Variants in PCNP observed in about 807,000 individuals in gnomAD.
PCNP encodes the protein PEST proteolytic signal containing nuclear protein.
Under a neutral mutation model 21.8 loss-of-function variants are expected in PCNP, and 6 were observed. The observed-to-expected ratio is 0.28, with a 90% CI of 0.15 to 0.54. The LOEUF is 0.54. Among genes scored for constraint, PCNP ranks in the 20% least tolerant of loss-of-function variants. PCNP has a pLI of 0.95. For missense variants in PCNP, 161 were observed against 215.5 expected (o/e 0.75, Z 1.58); for synonymous variants, 67 against 73.2 (o/e 0.92, Z 0.43).
chr3:101,586,784 C>T (rs1474274477), intron 3 of PCNP, among the ~76,000 whole-genome samples: 1 of 152,008 alleles, frequency 6.6e-6, no homozygotes, highest in Non-Finnish European at 1.5e-5. Flanking sequence ...AACTCCTGGG[C>T]TCAAGTGATC....
At chr3:101,575,728 C>T (rs3804778) in intron 1 of PCNP, among the ~76,000 whole-genome samples, 28,675 of 152,090 alleles carry the variant, frequency 0.19, 3,440 homozygotes, top group East Asian at 0.29. Context: ...CCGAGGGTAG[C>T]AGACGTGTTT....
intron 1 of PCNP, chr3:101,574,832 A>G (rs1078153): frequency 0.1 from 15,477 of 152,414 alleles, 1,049 homozygotes; most frequent in African/African-American, 0.19. Context: ...CTTTACTTCC[A>G]AGTTTAATAT....
chr3:101,586,224 A>G (rs1484668884), intron 3 of PCNP, among the ~76,000 whole-genome samples: 4 of 151,094 alleles, frequency 2.6e-5, no homozygotes, highest in South Asian at 2.1e-4. Context: ...CACTTCCCAT[A>G]TCCCTAGGAG....
At chr3:101,577,441 CCCTTCTTTCAAAA>C (rs1934982145) in intron 1 of PCNP, among the ~76,000 whole-genome samples, 1 of 152,128 alleles carries the variant, frequency 6.6e-6, no homozygotes, top group African/African-American at 2.4e-5. Context: ...GGTAGCTCTG[CCCTTCTTTCAAAA>C]AAGGAAGCAA....
At chr3:101,589,178 A>G (rs1935679175) in intron 3 of PCNP, among the ~76,000 whole-genome samples, 1 of 152,082 alleles carries the variant, frequency 6.6e-6, no homozygotes, top group Non-Finnish European at 1.5e-5. Flanking sequence ...TCACATTTAA[A>G]TTTTATTTAT....
Position 101,574,269 on chromosome 3 carries a change from A to T in PCNP, c.54A>T (p.Gly18=). The T allele has an allele frequency of 6.5e-7, 1 of 1,542,790 alleles. No homozygotes were observed. Among genetic ancestry groups the T allele is most frequent in the Non-Finnish European group, 8.8e-7 (1 of 1,142,142 alleles). ...AGCCTGAAAAGTCGCAGCGAGCTGG[A>T]GCCGCCGGAGGTGAACACAACCCCA... ...DEKPEKSQRA[G]AAGGPEEEAE... is the part of the protein sequence containing the mutation. The change falls in exon 1 of 5, where the codon GGA becomes GGT. Residue 18 remains glycine, a synonymous_variant. Transcript: ENST00000265260.
chr3:101,579,709 C>G (rs561904341), intron 1 of PCNP, 81 bp from the exon 2 acceptor site: 9 of 930,412 alleles, frequency 9.7e-6, no homozygotes, highest in Non-Finnish European at 1.4e-5. Flanking sequence ...TTCCTTATAA[C>G]GATGCTTTTT....
At chr3:101,579,673 CAGT>C in intron 1 of PCNP, 114 bp from the exon 2 acceptor site, 1 of 760,710 alleles carries the variant, frequency 1.3e-6, no homozygotes. Context: ...ACTGTTGGGT[CAGT>C]AGGTGACAAC....
chr3:101,581,498 A>G (rs1047076244), intron 2 of PCNP, among the ~76,000 whole-genome samples: 5 of 152,080 alleles, frequency 3.3e-5, no homozygotes, highest in East Asian at 3.9e-4. Flanking sequence ...CAATGGCACA[A>G]TCTCGGCTCA....
At chr3:101,592,042 T>G (rs1935837702) in intron 4 of PCNP, among the ~76,000 whole-genome samples, 1 of 152,206 alleles carries the variant, frequency 6.6e-6, no homozygotes, top group Non-Finnish European at 1.5e-5. Flanking sequence ...TATATCAGAA[T>G]TACCTTAAAT....
chr3:101,592,784 G>T lies in PCNP; in HGVS notation c.*31G>T. On this transcript the variant is annotated 3_prime_UTR_variant, in exon 5 of 5. Coordinates refer to ENST00000265260, the MANE Select transcript of PCNP (RefSeq NM_020357.3). Reference sequence around the variant, plus strand: ...GTTTTGAAATTGGGGTGTGGGGTGGGTGTAAAGTTAAAAGGAACAGTTTCC... The same window carrying T: ...GTTTTGAAATTGGGGTGTGGGGTGGTTGTAAAGTTAAAAGGAACAGTTTCC... The T allele has an allele frequency of 6.3e-7, 1 of 1,596,568 alleles. No individual in the cohort carries two copies. Among genetic ancestry groups the T allele is most frequent in the Non-Finnish European group, 8.5e-7 (1 of 1,171,910 alleles).
Position 101,592,898 on chromosome 3 carries a change from TGA to T in PCNP, c.*149_*150del, listed in dbSNP as rs1252795972. 1.9e-6 allele frequency: 1 copy of T among 527,598 alleles called. No homozygotes were observed. The highest frequency in any genetic ancestry group is 3.1e-6 in the Non-Finnish European group (1 of 323,786). 32.7% of individuals were successfully genotyped at this position (527,598 alleles called of 1,614,324 possible). The stretch of plus-strand genomic sequence containing the variant: ...AAAGATTGAGTGGTACACTAATAAA[TGA>T]GAGTTTGAAATTAGAGGTAATTTAT... On this transcript the variant is annotated 3_prime_UTR_variant, in exon 5 of 5. Coordinates refer to ENST00000265260, the MANE Select transcript of PCNP (RefSeq NM_020357.3).
Position 101,592,768 on chromosome 3 carries a change from T to C in PCNP, c.*15T>C. On this transcript the variant is annotated 3_prime_UTR_variant, in exon 5 of 5. Transcript: ENST00000265260. ...AAGACAATTAAATGATGTTTTGAAA[T>C]TGGGGTGTGGGGTGGGTGTAAAGTT... 6.2e-7 allele frequency: 1 copy of C among 1,610,652 alleles called. No homozygotes were observed. Among genetic ancestry groups the C allele is most frequent in the Non-Finnish European group, 8.5e-7 (1 of 1,178,304 alleles).
At chr3:101,584,280 CA>C (rs1284280662) in intron 2 of PCNP, among the ~76,000 whole-genome samples, 1 of 152,108 alleles carries the variant, frequency 6.6e-6, no homozygotes, top group African/African-American at 2.4e-5. Flanking sequence ...TCATTGACAA[CA>C]AAATTCTGGT....
chr3:101,575,911 T>C (rs2108269616), intron 1 of PCNP, among the ~76,000 whole-genome samples: 1 of 152,322 alleles, frequency 6.6e-6, no homozygotes, highest in South Asian at 2.1e-4. Context: ...AGAAAAATTA[T>C]TATGGTCTTT....
intron 3 of PCNP, among the ~76,000 whole-genome samples, chr3:101,588,163 C>CG (rs1395533916): frequency 2.0e-5 from 3 of 152,150 alleles, no homozygotes; most frequent in Admixed American, 6.5e-5. Context: ...CCCGGCTACT[C>CG]GGGAGGCTGA....
In PCNP at chr3:101,574,189, G is replaced by C; in HGVS notation, c.-27G>C. On this transcript the variant is annotated 5_prime_UTR_variant, in exon 1 of 5. Transcript: ENST00000265260. ...GCGGGGTCGTGACGTCCTTGGCGTGGCTGCAGGGGAGGCCGCGGCGGGGAA... is the reference window on the plus strand; with the variant it reads ...GCGGGGTCGTGACGTCCTTGGCGTGCCTGCAGGGGAGGCCGCGGCGGGGAA... The C allele has an allele frequency of 6.5e-7, 1 of 1,547,816 alleles. No homozygotes were observed. Among genetic ancestry groups the C allele is most frequent in the Non-Finnish European group, 8.7e-7 (1 of 1,144,950 alleles).
rs572599136 is a variant in PCNP, at chr3:101,579,650, A to G, written c.65-140A>G. 5.2e-5 allele frequency: 38 copies of G among 730,954 alleles called. No homozygotes were observed. The African/African-American group carries it at 6.1e-4, about 12-fold the overall frequency. 45.3% of individuals were successfully genotyped at this position (730,954 alleles called of 1,614,324 possible). A position where few individuals can be genotyped will look rare whatever the true frequency, so the allele number is the denominator to read the frequency against. On this transcript the variant is annotated intron_variant, in intron 1 of 4. Transcript: ENST00000265260. ...TCAGTTCCTGCTGTATACTCTAACA[A>G]ACAGTGGAAGAGACTGTTGGGTCAG...
At chr3:101,574,412 C>T (rs955587539) in intron 1 of PCNP, 133 bp downstream of exon 1, 1 of 1,154,940 alleles carries the variant, frequency 8.7e-7, no homozygotes, top group East Asian at 3.0e-5. Flanking sequence ...TGGGCCCAGA[C>T]CTGCCTCGGG....
Sources: allele counts gnomAD v4.1 joint callset (sites outside exome capture counted in the v4.1 genomes callset), GRCh38; gene constraint gnomAD v4.1.1; transcripts MANE v1.5; gene names NCBI Gene and HGNC (gene_info 2026-07-23, HGNC 2026-07-21).